The following GGNBP2 variants were observed in gnomAD, a reference collection of about 807,000 sequenced individuals.
The protein encoded by GGNBP2 is gametogenetin binding protein 2.
A neutral mutation model predicts 85.9 loss-of-function variants in GGNBP2; 10 were observed. The ratio of observed to expected loss-of-function variants is 0.12; its 90% CI spans 0.07 to 0.20. GGNBP2 has a LOEUF of 0.20. Among genes scored for constraint, GGNBP2 ranks in the 10% least tolerant of loss-of-function variants. GGNBP2 has a pLI of 1.00. For missense variants in GGNBP2, 595 were observed against 857.8 expected (o/e 0.69, Z 3.83); for synonymous variants, 287 against 285.7 (o/e 1.00, Z -0.05).
intron 6 of GGNBP2, chr17:36,574,631 G>A: frequency 1.7e-6 from 1 of 583,328 alleles, no homozygotes; most frequent in Non-Finnish European, 3.0e-6. Context: ...GGTGTCCTTG[G>A]TATAGTTACC....
chr17:36,589,838 G>A lies in GGNBP2; in HGVS notation c.*427G>A, dbSNP rs990652805. 4 of 169,102 alleles carry A rather than the reference G, an allele frequency of 2.4e-5. No homozygotes were observed. Among genetic ancestry groups the A allele is most frequent in the South Asian group, 1.5e-4 (1 of 6,480 alleles). 10.5% of individuals were successfully genotyped at this position (169,102 alleles called of 1,614,324 possible). ...TAAAATAAAGAATATTTATTAATAC[G>A]CACAGTAAAATTTGCTGTACATGTT... On this transcript the variant is annotated 3_prime_UTR_variant, in exon 14 of 14. Coordinates refer to ENST00000613102, the MANE Select transcript of GGNBP2 (RefSeq NM_024835.5).
rs758346247 is a variant in GGNBP2, at chr17:36,587,037, G to A, written c.1682G>A (p.Arg561Gln). ...AGCTGTATTACAGATCCAGGTAATC[G>A]AGAGACCTCAGGAAATACCATGCAC... Reference protein sequence around the residue: ...LGSCITDPGNRETSGNTMHTV... With the variant: ...LGSCITDPGNQETSGNTMHTV... The change falls in exon 13 of 14, where the codon CGA becomes CAA. Residue 561 changes from arginine to glutamine, a missense_variant. Physicochemically the swap from Arg to Gln is conservative, Grantham distance 43. Transcript: ENST00000613102. The A allele has an allele frequency of 1.8e-5, 29 of 1,613,144 alleles. No homozygotes were observed. The highest frequency in any genetic ancestry group is 1.6e-4 in the Middle Eastern group (1 of 6,078).
chr17:36,576,211 C>T (rs189782483), intron 6 of GGNBP2, among the ~76,000 whole-genome samples: 46 of 116,838 alleles, frequency 3.9e-4, no homozygotes, highest in African/African-American at 1.3e-3. Flanking sequence ...TGGTGGTGGG[C>T]GCATGCAATC....
At chr17:36,557,036 T>G (rs1205640159) in intron 3 of GGNBP2, 47 bp from the exon 4 acceptor site, 2 of 1,608,946 alleles carry the variant, frequency 1.2e-6, no homozygotes, top group Non-Finnish European at 1.7e-6. Context: ...AAGTGTAATT[T>G]TACGTCTTTT....
intron 12 of GGNBP2, 146 bp downstream of exon 12, chr17:36,586,344 G>C: frequency 1.1e-6 from 1 of 937,662 alleles, no homozygotes; most frequent in Non-Finnish European, 1.5e-6. Flanking sequence ...GGTGCTCATC[G>C]TGTGAGAGTG....
chr17:36,587,443 C>T (rs1285150652), intron 13 of GGNBP2, 198 bp downstream of exon 13: 2 of 615,608 alleles, frequency 3.2e-6, no homozygotes, highest in African/African-American at 3.7e-5. Flanking sequence ...AACACGTTTC[C>T]ATGGCCGCCT....
chr17:36,576,595 A>ATATATATGTGTGTG (rs748348633), intron 6 of GGNBP2: 2 of 51,492 alleles, frequency 3.9e-5, no homozygotes, highest in East Asian at 6.3e-4. Flanking sequence ...ATATATATAT[A>ATATATATGTGTGTG]TGTGTGTGTG....
intron 9 of GGNBP2, among the ~76,000 whole-genome samples, chr17:36,584,311 A>G (rs999813951): frequency 3.9e-5 from 6 of 152,120 alleles, no homozygotes; most frequent in African/African-American, 7.2e-5. Context: ...TGCAATAGAA[A>G]TGCTTTAAGC....
At chr17:36,576,591 A>ATGTG (rs1247489604) in intron 6 of GGNBP2, 4 of 49,186 alleles carry the variant, frequency 8.1e-5, no homozygotes, top group Admixed American at 2.5e-4. Context: ...AAAAATATAT[A>ATGTG]TATATGTGTG....
chr17:36,558,765 T>C (rs2074388786), intron 4 of GGNBP2, among the ~76,000 whole-genome samples: 1 of 152,002 alleles, frequency 6.6e-6, no homozygotes, highest in African/African-American at 2.4e-5. Context: ...TGAGGTCTTT[T>C]TTTTTTTACT....
chr17:36,589,537 GT>G lies in GGNBP2; in HGVS notation c.*130del. The G allele has an allele frequency of 1.4e-6, 1 of 699,958 alleles. No individual in the cohort carries two copies. The allele number at this position is 699,958 out of a possible 1,614,324, so 43.4% of individuals were successfully genotyped here. ...TCTTAAATCAATGTGATTCTTTCTT[GT>G]TTTGGGAGACGGTGGAGGTATCCTC... On this transcript the variant is annotated 3_prime_UTR_variant, in exon 14 of 14. Transcript: ENST00000613102.
chr17:36,580,477 G>C (rs1485390971), intron 8 of GGNBP2, among the ~76,000 whole-genome samples: 1 of 151,808 alleles, frequency 6.6e-6, no homozygotes, highest in Admixed American at 6.6e-5. Context: ...CTCCCAAAGT[G>C]CTGGGATTAC....
intron 6 of GGNBP2, among the ~76,000 whole-genome samples, chr17:36,575,488 C>A (rs1388024506): frequency 6.6e-6 from 1 of 151,282 alleles, no homozygotes; most frequent in Non-Finnish European, 1.5e-5. Context: ...GTTTTTAATC[C>A]ATTTTGTGTT....
intron 6 of GGNBP2, chr17:36,575,443 C>T (rs1484899459): frequency 1.2e-5 from 2 of 164,184 alleles, no homozygotes; most frequent in Admixed American, 6.4e-5. Flanking sequence ...CCTATGTTTT[C>T]TTCTAGTTTT....
intron 2 of GGNBP2, among the ~76,000 whole-genome samples, chr17:36,553,223 T>G (rs1350801307): frequency 6.6e-6 from 1 of 152,198 alleles, no homozygotes; most frequent in Non-Finnish European, 1.5e-5. Context: ...ATCTAATATG[T>G]TTTCCTTTTT....
rs570930218 is a variant in GGNBP2, at chr17:36,583,213, C to T, written c.1215+1675C>T. ...GGGCTACAGGCGTGTGCCACCATGC[C>T]CGGCTAATTTTTGTATTTTTAGTAG... On this transcript the variant is annotated intron_variant, in intron 9 of 13. Coordinates refer to ENST00000613102, the MANE Select transcript of GGNBP2 (RefSeq NM_024835.5). Among the ~76,000 whole-genome samples the T allele has an allele frequency of 2.6e-5, 4 of 152,050 alleles. No individual in the cohort carries two copies. In the East Asian group the frequency reaches 7.7e-4, roughly 29 times the overall value.
chr17:36,575,070 A>G, intron 6 of GGNBP2: 2 of 1,019,122 alleles, frequency 2.0e-6, no homozygotes, highest in Non-Finnish European at 1.5e-6. Context: ...GTGATCTCAG[A>G]TTCCTTCATG....
chr17:36,553,778 T>G (rs1397530922), intron 2 of GGNBP2, among the ~76,000 whole-genome samples: 1 of 152,160 alleles, frequency 6.6e-6, no homozygotes, highest in Non-Finnish European at 1.5e-5. Context: ...ATACCTGAAA[T>G]CAGGATGCTG....
At chr17:36,555,316 G>A (rs564343522) in intron 3 of GGNBP2, among the ~76,000 whole-genome samples, 1 of 152,272 alleles carries the variant, frequency 6.6e-6, no homozygotes, top group Non-Finnish European at 1.5e-5. Flanking sequence ...ACACTTAAAT[G>A]CAATGTATAG....
Sources: gnomAD v4.1 joint callset for allele counts (sites outside exome capture counted in the v4.1 genomes callset) on GRCh38, gnomAD v4.1.1 for gene constraint, MANE v1.5 for transcripts, NCBI Gene and HGNC (gene_info 2026-07-23, HGNC 2026-07-21) for gene names.